AGPAT3: variants seen among roughly 807,000 people sequenced by gnomAD.
The protein encoded by AGPAT3 is 1-acylglycerol-3-phosphate O-acyltransferase 3.
Under a neutral mutation model 47.3 loss-of-function variants are expected in AGPAT3, and 5 were observed. That is an observed-to-expected ratio of 0.11 (90% CI 0.06 to 0.22). The LOEUF (loss-of-function observed/expected upper bound fraction) is 0.22, where lower values mean the gene tolerates loss of function less well. Among genes scored for constraint, AGPAT3 ranks in the 10% least tolerant of loss-of-function variants. The probability of loss-of-function intolerance (pLI) is 1.00; values close to 1 mark genes in which losing one functional copy is unlikely to be tolerated. For missense variants in AGPAT3, 315 were observed against 493.0 expected, an observed-to-expected ratio of 0.64 and a Z score of 3.42; for synonymous variants, 212 against 208.3, an observed-to-expected ratio of 1.02 and a Z score of -0.15.
intron 2 of AGPAT3, among the ~76,000 whole-genome samples, chr21:43,950,487 T>C (rs1337243997): frequency 6.6e-6 from 1 of 152,272 alleles, no homozygotes; most frequent in Non-Finnish European, 1.5e-5. Flanking sequence ...TTGTTTCATC[T>C]AAAATTTTAG....
rs72613640 is a variant in AGPAT3, at chr21:43,880,964, A to C, written c.-112+15619A>C. On this transcript the variant is annotated intron_variant, in intron 1 of 9. Coordinates refer to ENST00000291572, the MANE Select transcript of AGPAT3 (RefSeq NM_020132.5). This position sits in a 1 kb window ranked among gnomAD's most constrained non-coding sequence, Gnocchi z 4.5. Reference sequence around the variant, plus strand: ...AAGTTGGTCATTCTTAATGCCAGGGAGGGGGAAGAGAGAGAAAATGAGAGA... The same window carrying C: ...AAGTTGGTCATTCTTAATGCCAGGGCGGGGGAAGAGAGAGAAAATGAGAGA... Among the ~76,000 whole-genome samples the C allele has an allele frequency of 1.3e-5, 1 of 74,656 alleles. No homozygotes were observed. The highest frequency in any genetic ancestry group is 3.2e-5 in the Non-Finnish European group (1 of 31,044). 49.0% of individuals were successfully genotyped at this position (74,656 alleles called of 152,430 possible). A position where few individuals can be genotyped will look rare whatever the true frequency, so the allele number is the denominator to read the frequency against.
At chr21:43,972,693 A>G (rs1387745806) in intron 7 of AGPAT3, among the ~76,000 whole-genome samples, 2 of 152,198 alleles carry the variant, frequency 1.3e-5, no homozygotes, top group Admixed American at 6.5e-5. Flanking sequence ...GCTCACATAG[A>G]GGAGAAAATC....
chr21:43,933,875 G>T lies in AGPAT3; in HGVS notation c.-48-25759G>T, dbSNP rs893257360. 6.6e-6 allele frequency among the ~76,000 whole-genome samples: 1 copy of T among 152,182 alleles called. No individual in the cohort carries two copies. The highest frequency in any genetic ancestry group is 2.4e-5 in the African/African-American group (1 of 41,436). On this transcript the variant is annotated intron_variant, in intron 2 of 9. Transcript: ENST00000291572. This position sits in a 1 kb window ranked among gnomAD's most constrained non-coding sequence, Gnocchi z 6.0. ...GGAGAGTGGACAGTGGCATGGAAAC[G>T]CCAGAGGGTTAGAACTGAGCAGCAG... is the stretch of plus-strand genomic sequence containing the variant.
At chr21:43,890,727 T>TC (rs397772793) in intron 1 of AGPAT3, among the ~76,000 whole-genome samples, 1 of 147,222 alleles carries the variant, frequency 6.8e-6, no homozygotes, top group East Asian at 2.0e-4. Flanking sequence ...TTTTTTTTTT[T>TC]CATTTATTTA....
intron 1 of AGPAT3, among the ~76,000 whole-genome samples, chr21:43,872,556 A>G (rs2085644503): frequency 1.3e-5 from 2 of 152,208 alleles, no homozygotes; most frequent in Non-Finnish European, 2.9e-5. Flanking sequence ...ACTTTTGGGT[A>G]TTGATTTAAC....
intron 4 of AGPAT3, among the ~76,000 whole-genome samples, chr21:43,968,726 G>A (rs375708600): frequency 3.3e-5 from 5 of 152,062 alleles, no homozygotes; most frequent in Non-Finnish European, 4.4e-5. Context: ...CCCCACCTGC[G>A]TCCCTGCAGA....
Position 43,875,477 on chromosome 21 carries a change from C to T in AGPAT3, c.-112+10132C>T, listed in dbSNP as rs2085713845. On this transcript the variant is annotated intron_variant, in intron 1 of 9. Transcript: ENST00000291572. Reference sequence around the variant, plus strand: ...CTTATGCTTTGCTTTCTCATACCATCCTCCCAGCCACTTAAACTCTCGTTC... The same window carrying T: ...CTTATGCTTTGCTTTCTCATACCATTCTCCCAGCCACTTAAACTCTCGTTC... 2.0e-5 allele frequency among the ~76,000 whole-genome samples: 3 copies of T among 152,330 alleles called. No individual in the cohort carries two copies. In the South Asian group the frequency reaches 6.2e-4, roughly 32 times the overall value.
chr21:43,896,938 A>C (rs1347506501), intron 1 of AGPAT3, among the ~76,000 whole-genome samples: 1 of 114,966 alleles, frequency 8.7e-6, no homozygotes, highest in South Asian at 2.8e-4. Flanking sequence ...GAAGTTTGAC[A>C]GTCCGTTTTT....
chr21:43,980,954 C>G (rs751339511), intron 8 of AGPAT3, 35 bp from the exon 9 acceptor site: 4 of 1,576,962 alleles, frequency 2.5e-6, no homozygotes, highest in Non-Finnish European at 3.5e-6. Flanking sequence ...TGTAAAGAAG[C>G]CTCACGCTTC....
rs559786939 is a variant in AGPAT3 at position 43,926,106 on chromosome 21, G to A, written c.-49+22087G>A. Among the ~76,000 whole-genome samples the A allele has an allele frequency of 4.6e-5, 7 of 152,354 alleles. No individual in the cohort carries two copies. In the East Asian group the frequency reaches 1.4e-3, roughly 29 times the overall value. ...ATTCCACTTTTCTCTGTGTTTTACT[G>A]TGGCCACTGGAGCATTCAGTGGTAC... is the stretch of plus-strand genomic sequence containing the variant. On this transcript the variant is annotated intron_variant, in intron 2 of 9. Coordinates refer to ENST00000291572, the MANE Select transcript of AGPAT3 (RefSeq NM_020132.5).
Position 43,880,959 on chromosome 21 carries a change from CA to C in AGPAT3, c.-112+15615del, listed in dbSNP as rs1220067299. On this transcript the variant is annotated intron_variant, in intron 1 of 9. Coordinates refer to ENST00000291572, the MANE Select transcript of AGPAT3 (RefSeq NM_020132.5). This position sits in a 1 kb window ranked among gnomAD's most constrained non-coding sequence, Gnocchi z 4.5. ...ATTACAAGTTGGTCATTCTTAATGC[CA>C]GGGAGGGGGAAGAGAGAGAAAATGA... 2.0e-3 allele frequency among the ~76,000 whole-genome samples: 272 copies of C among 135,168 alleles called. 1 individual carries two copies. Among genetic ancestry groups the C allele is most frequent in the Admixed American group, 4.2e-3 (52 of 12,446 alleles). The allele number at this position is 135,168 out of a possible 152,430, so 88.7% of individuals were successfully genotyped here. A position where few individuals can be genotyped will look rare whatever the true frequency, so the allele number is the denominator to read the frequency against.
In AGPAT3 at chr21:43,920,974, G is replaced by T. The variant is rs1223870051; in HGVS notation, c.-49+16955G>T. 6.6e-6 allele frequency among the ~76,000 whole-genome samples: 1 copy of T among 152,178 alleles called. No homozygotes were observed. Among genetic ancestry groups the T allele is most frequent in the African/African-American group, 2.4e-5 (1 of 41,446 alleles). On this transcript the variant is annotated intron_variant, in intron 2 of 9. Coordinates refer to ENST00000291572, the MANE Select transcript of AGPAT3 (RefSeq NM_020132.5). The surrounding 1 kb of genome is among the most constrained non-coding windows in gnomAD (Gnocchi z 6.1). Reference sequence around the variant, plus strand: ...TAAAAATACAAAAACTTAGCCGGGCGTGGTGGCGGGCACCTGTAGTTCCAG... The same window carrying T: ...TAAAAATACAAAAACTTAGCCGGGCTTGGTGGCGGGCACCTGTAGTTCCAG...
At chr21:43,874,509 C>T (rs1381742189) in intron 1 of AGPAT3, among the ~76,000 whole-genome samples, 3 of 152,206 alleles carry the variant, frequency 2.0e-5, no homozygotes, top group Non-Finnish European at 4.4e-5. Context: ...ATTATGATTT[C>T]AGCTGAAAAG....
intron 2 of AGPAT3, among the ~76,000 whole-genome samples, chr21:43,910,762 C>T (rs1224414665): frequency 6.6e-6 from 1 of 152,120 alleles, no homozygotes; most frequent in African/African-American, 2.4e-5. Context: ...AGCTGTGTCT[C>T]GTGAAGTCAG....
At chr21:43,925,454 A>T (rs1269606614) in intron 2 of AGPAT3, 1 of 152,442 alleles carries the variant, frequency 6.6e-6, no homozygotes, top group Non-Finnish European at 1.5e-5. Flanking sequence ...CCAACAAGGT[A>T]AGGACAGCGG....
rs539708266 is a variant in AGPAT3, at chr21:43,873,148, G to C, written c.-112+7803G>C. On this transcript the variant is annotated intron_variant, in intron 1 of 9. Coordinates refer to ENST00000291572, the MANE Select transcript of AGPAT3 (RefSeq NM_020132.5). ...CGGGTGCACCTGCCGTGTGCTTCCC[G>C]GGGGACATGCTGAGGTGCTCATAGT... is the stretch of plus-strand genomic sequence containing the variant. Among the ~76,000 whole-genome samples the C allele has an allele frequency of 5.3e-5, 8 of 152,254 alleles. No individual in the cohort carries two copies. In the East Asian group the frequency reaches 1.5e-3, roughly 29 times the overall value.
chr21:43,889,603 C>T (rs992683613), intron 1 of AGPAT3, among the ~76,000 whole-genome samples: 1 of 152,208 alleles, frequency 6.6e-6, no homozygotes, highest in Non-Finnish European at 1.5e-5. Context: ...AAGTGAGGCA[C>T]ACACATTTTT....
intron 1 of AGPAT3, among the ~76,000 whole-genome samples, chr21:43,869,313 T>C (rs1295916423): frequency 1.3e-5 from 2 of 152,256 alleles, no homozygotes; most frequent in Non-Finnish European, 2.9e-5. Context: ...ATTTAGGCCA[T>C]TGTCCTAGTC....
chr21:43,903,158 A>T lies in AGPAT3; in HGVS notation c.-111-799A>T, dbSNP rs78426253. On this transcript the variant is annotated intron_variant, in intron 1 of 9. Coordinates refer to ENST00000291572, the MANE Select transcript of AGPAT3 (RefSeq NM_020132.5). Reference sequence around the variant, plus strand: ...ATACTGAGTGAAATAAGCCAGTCACATAAGGACAAATAGTGTATGATTCCA... The same window carrying T: ...ATACTGAGTGAAATAAGCCAGTCACTTAAGGACAAATAGTGTATGATTCCA... Among the ~76,000 whole-genome samples, 1,284 of 152,364 alleles carry T rather than the reference A, an allele frequency of 8.4e-3. 21 individuals carry two copies. Among genetic ancestry groups the T allele is most frequent in the African/African-American group, 0.029 (1,206 of 41,588 alleles).
Sources: allele counts gnomAD v4.1 joint callset (sites outside exome capture counted in the v4.1 genomes callset), GRCh38; gene constraint gnomAD v4.1.1; non-coding constraint Gnocchi (gnomAD v3.1); transcripts MANE v1.5; gene names NCBI Gene and HGNC (gene_info 2026-07-23, HGNC 2026-07-21).